Variants in MAF observed in about 807,000 individuals in gnomAD.
MAF encodes transcription factor Maf.
In MAF, 10 loss-of-function variants were observed where a neutral mutation model predicts 22.0. The ratio of observed to expected loss-of-function variants is 0.45; its 90% confidence interval spans 0.28 to 0.77. The LOEUF (loss-of-function observed/expected upper bound fraction) is 0.77. Ranked by LOEUF, MAF falls within the 30% of genes least tolerant of loss-of-function variation. The pLI, the probability that MAF is intolerant of heterozygous loss-of-function variation, is 0.12. For missense variants in MAF, 544 were observed against 548.4 expected (o/e 0.99, Z 0.08); for synonymous variants, 337 against 255.8 (o/e 1.32, Z -3.03).
At chr16:79,277,168 G>A in the MAF span, among the ~76,000 whole-genome samples, 34 of 152,268 alleles carry the variant, frequency 2.2e-4, no homozygotes, top group African/African-American at 8.2e-4. Flanking sequence ...CTCCCAAAAT[G>A]CTCCTTAGGC....
chr16:79,365,635 G>A, the MAF span, among the ~76,000 whole-genome samples: 2 of 152,180 alleles, frequency 1.3e-5, no homozygotes, highest in South Asian at 4.1e-4. Flanking sequence ...TCTCAACAGG[G>A]CTCACTGGTA....
chr16:79,563,650 G>C, the MAF span, among the ~76,000 whole-genome samples: 1 of 151,568 alleles, frequency 6.6e-6, no homozygotes, highest in Admixed American at 6.6e-5. Flanking sequence ...TTTTAAATGA[G>C]GCTGTTACAA....
the MAF span, among the ~76,000 whole-genome samples, chr16:79,467,558 C>G: frequency 6.6e-6 from 1 of 152,174 alleles, no homozygotes. Context: ...CAGGTGATTC[C>G]AGAGCTCGTG....
At chr16:79,592,783 A>G (rs1391122485), downstream of MAF, among the ~76,000 whole-genome samples, 1 of 152,270 alleles carries the variant, frequency 6.6e-6, no homozygotes, top group Non-Finnish European at 1.5e-5. Flanking sequence ...TCTCTAAAAA[A>G]AACCAAACAA....
the MAF span, among the ~76,000 whole-genome samples, chr16:79,321,658 T>C: frequency 7.0e-6 from 1 of 143,148 alleles, no homozygotes; most frequent in Non-Finnish European, 1.5e-5. Context: ...TTTTTTTTTT[T>C]TTTTTTTTTT....
chr16:79,296,079 G>T, the MAF span, among the ~76,000 whole-genome samples: 1 of 152,212 alleles, frequency 6.6e-6, no homozygotes, highest in Non-Finnish European at 1.5e-5. Context: ...AAAGAAAGTC[G>T]AAAGCTGATT....
At chr16:79,524,580 T>C in the MAF span, among the ~76,000 whole-genome samples, 2 of 152,236 alleles carry the variant, frequency 1.3e-5, no homozygotes, top group African/African-American at 4.8e-5. Flanking sequence ...CCTCCATCAT[T>C]GCACTTGGTT....
downstream of MAF, chr16:79,593,726 G>A (rs1374418392): frequency 1.2e-5 from 2 of 168,916 alleles, no homozygotes; most frequent in African/African-American, 4.8e-5. Flanking sequence ...ATTATTACAT[G>A]GTTTTTGAAA....
chr16:79,496,641 G>T, the MAF span, among the ~76,000 whole-genome samples: 1 of 152,312 alleles, frequency 6.6e-6, no homozygotes, highest in African/African-American at 2.4e-5. Context: ...AGTTTTCAAA[G>T]GAGGGAGTTC....
At chr16:79,588,589 G>A (rs1913001224) in intron 1 of MAF, among the ~76,000 whole-genome samples, 1 of 151,994 alleles carries the variant, frequency 6.6e-6, no homozygotes, top group Non-Finnish European at 1.5e-5. Flanking sequence ...TGCCTCCTGA[G>A]TAGCTGGGAT....
At chr16:79,348,645 G>A in the MAF span, among the ~76,000 whole-genome samples, 23 of 152,292 alleles carry the variant, frequency 1.5e-4, no homozygotes, top group East Asian at 1.5e-3. Context: ...CTCCAACGAC[G>A]GGGAAACAAA....
the MAF span, among the ~76,000 whole-genome samples, chr16:79,323,636 C>G: frequency 3.9e-5 from 6 of 152,116 alleles, no homozygotes; most frequent in Non-Finnish European, 7.4e-5. Context: ...CCGTACCTTG[C>G]GGCAAGCAGC....
the MAF span, among the ~76,000 whole-genome samples, chr16:79,378,067 A>C: frequency 6.6e-6 from 1 of 152,180 alleles, no homozygotes; most frequent in African/African-American, 2.4e-5. Context: ...CTGTGGAGAA[A>C]GTCATGGGTA....
chr16:79,485,662 T>C, the MAF span, among the ~76,000 whole-genome samples: 1 of 152,178 alleles, frequency 6.6e-6, no homozygotes, highest in Non-Finnish European at 1.5e-5. Context: ...AACCTTAAGA[T>C]CAGGTGATTT....
At chr16:79,500,913 T>C in the MAF span, among the ~76,000 whole-genome samples, 31 of 152,218 alleles carry the variant, frequency 2.0e-4, no homozygotes, top group South Asian at 3.5e-3. Context: ...AGTTTCTCTG[T>C]TAGGGAAAAT....
chr16:79,446,070 G>A, the MAF span, among the ~76,000 whole-genome samples: 3 of 151,152 alleles, frequency 2.0e-5, no homozygotes, highest in Non-Finnish European at 4.4e-5. Context: ...CAGAGACAGA[G>A]AGAAAAAAAA....
At chr16:79,256,241 G>A in the MAF span, among the ~76,000 whole-genome samples, 1 of 151,796 alleles carries the variant, frequency 6.6e-6, no homozygotes, top group Non-Finnish European at 1.5e-5. Context: ...GCCTGCCTCG[G>A]CCTCCCAGAG....
At chr16:79,339,890 G>A in the MAF span, among the ~76,000 whole-genome samples, 21 of 152,116 alleles carry the variant, frequency 1.4e-4, no homozygotes, top group African/African-American at 2.2e-4. Context: ...CCCCTTCTCC[G>A]CTAAAAGCAT....
At chr16:79,265,230 A>AT in the MAF span, among the ~76,000 whole-genome samples, 1 of 152,196 alleles carries the variant, frequency 6.6e-6, no homozygotes, top group African/African-American at 2.4e-5. Context: ...ATCTAAATTC[A>AT]TCAAGTGTAA....
Sources: gnomAD v4.1 joint callset for allele counts (sites outside exome capture counted in the v4.1 genomes callset) on GRCh38, gnomAD v4.1.1 for gene constraint, MANE v1.5 for transcripts, NCBI Gene and HGNC (gene_info 2026-07-23, HGNC 2026-07-21) for gene names.